Variants in RTTN observed in about 807,000 individuals in gnomAD.
The protein encoded by RTTN is rotatin.
RTTN carries 182 observed loss-of-function variants against 269.2 expected under a neutral mutation model. The ratio of observed to expected loss-of-function variants is 0.68; its 90% CI spans 0.60 to 0.76. RTTN has a LOEUF of 0.76. Among genes scored for constraint, RTTN ranks in the 30% least tolerant of loss-of-function variants. The pLI, the probability that RTTN is intolerant of heterozygous loss-of-function variation, is 0.00. For synonymous variants in RTTN, 1,006 were observed against 963.5 expected, an observed-to-expected ratio of 1.04 and a Z score of -0.82; for missense variants, 2,545 against 2,608.6, an observed-to-expected ratio of 0.98 and a Z score of 0.53.
intron 37 of RTTN, among the ~76,000 whole-genome samples, chr18:70,056,136 G>C (rs573375636): frequency 6.6e-6 from 1 of 152,364 alleles, no homozygotes; most frequent in South Asian, 2.1e-4. Flanking sequence ...CGTGAGGAGA[G>C]ATGCTCATCT....
chr18:70,068,981 G>T (rs535661497), intron 34 of RTTN, among the ~76,000 whole-genome samples: 1 of 152,188 alleles, frequency 6.6e-6, no homozygotes, highest in Non-Finnish European at 1.5e-5. Context: ...AACAGACTCA[G>T]ATTAGTGTAA....
At chr18:70,103,008 C>T (rs1416030689) in intron 28 of RTTN, among the ~76,000 whole-genome samples, 8 of 148,210 alleles carry the variant, frequency 5.4e-5, no homozygotes, top group African/African-American at 1.0e-4. Context: ...TCTGCCCAGG[C>T]GCCCCGTCTG....
At chr18:70,201,871 T>C in intron 4 of RTTN, 23 bp downstream of exon 4, 2 of 1,467,612 alleles carry the variant, frequency 1.4e-6, no homozygotes, top group South Asian at 2.4e-5. Context: ...GTCAACAGGA[T>C]TTACTTCCCG....
chr18:70,075,480 G>C lies in RTTN; in HGVS notation c.4436C>G (p.Ala1479Gly). 1.2e-6 allele frequency: 2 copies of C among 1,605,664 alleles called. No homozygotes were observed. Among genetic ancestry groups the C allele is most frequent in the Non-Finnish European group, 8.5e-7 (1 of 1,176,606 alleles). The change falls in exon 33 of 49, where the codon GCT becomes GGT. Residue 1479 changes from alanine (A) to glycine (G), a missense_variant. Coordinates refer to ENST00000640769, the MANE Select transcript of RTTN (RefSeq NM_173630.4). ...ATAAAAATGGCAGTGATATAAAAGA[G>C]CCTGAAGGGCAGGTTTTCCAATGAG... ...LSLIGKPALQ[A>G]LLYHCHFYEH...
intron 17 of RTTN, among the ~76,000 whole-genome samples, chr18:70,147,245 T>C (rs899138936): frequency 1.1e-4 from 16 of 152,186 alleles, no homozygotes; most frequent in Non-Finnish European, 1.0e-4. Context: ...AGATCACATA[T>C]GCAACAGTGG....
intron 9 of RTTN, among the ~76,000 whole-genome samples, chr18:70,190,230 G>GA (rs1291898571): frequency 6.9e-6 from 1 of 145,930 alleles, no homozygotes; most frequent in African/African-American, 2.5e-5. Context: ...AAAAAAAAAA[G>GA]AAAAAAATAG....
chr18:70,149,237 T>C (rs2060475162), intron 16 of RTTN, among the ~76,000 whole-genome samples, 200 bp from the exon 17 acceptor site: 1 of 152,138 alleles, frequency 6.6e-6, no homozygotes, highest in African/African-American at 2.4e-5. Context: ...TACACATACA[T>C]ACAGGAGAAC....
chr18:70,112,180 G>T (rs562721855), intron 27 of RTTN, among the ~76,000 whole-genome samples: 2 of 152,192 alleles, frequency 1.3e-5, no homozygotes, highest in South Asian at 4.2e-4. Context: ...AGGAAAAACC[G>T]GTACCAGCCA....
At position 70,088,061 on chromosome 18, in the gene RTTN, A is replaced by C; in HGVS notation, c.4230T>G (p.Ile1410Met). The change falls in exon 31 of 49, where the codon ATT becomes ATG. Residue 1410 changes from isoleucine (I) to methionine (M), a missense_variant. Ile to Met is a conservative substitution (Grantham distance 10, BLOSUM62 1). Coordinates refer to ENST00000640769, the MANE Select transcript of RTTN (RefSeq NM_173630.4). ...CCACAGTTCCCCAGAGCCCACCGGAAATGTTCTGACAACTGTTTGCTAAGG... is the reference window on the plus strand; with the variant it reads ...CCACAGTTCCCCAGAGCCCACCGGACATGTTCTGACAACTGTTTGCTAAGG... ...CVALANSCQN[I>M]SGGLWGTVVN... is the part of the protein sequence containing the mutation. 1 of 1,613,954 alleles carries C rather than the reference A, an allele frequency of 6.2e-7. No individual in the cohort carries two copies. Among genetic ancestry groups the C allele is most frequent in the Non-Finnish European group, 8.5e-7 (1 of 1,179,910 alleles).
At chr18:70,168,749 C>T (rs2061057240) in intron 12 of RTTN, 106 bp downstream of exon 12, 1 of 807,322 alleles carries the variant, frequency 1.2e-6, no homozygotes, top group Admixed American at 2.5e-5. Context: ...AATAATGTAT[C>T]CCACCTGTGA....
chr18:70,051,599 A>C (rs2057671156), intron 38 of RTTN, 51 bp from the exon 39 acceptor site: 1 of 1,422,122 alleles, frequency 7.0e-7, no homozygotes, highest in Non-Finnish European at 9.6e-7. Flanking sequence ...GAAGGAAAAG[A>C]ACCTTTCAAG....
chr18:70,121,135 G>C (rs1451149974), intron 26 of RTTN, among the ~76,000 whole-genome samples: 1 of 152,076 alleles, frequency 6.6e-6, no homozygotes, highest in African/African-American at 2.4e-5. Context: ...AAATATTCCA[G>C]TAACCGTTAT....
intron 40 of RTTN, among the ~76,000 whole-genome samples, chr18:70,036,943 T>C (rs538849272): frequency 1.3e-5 from 2 of 152,348 alleles, no homozygotes; most frequent in East Asian, 3.9e-4. Flanking sequence ...CAGCAGCAGC[T>C]GCCTGGTATG....
intron 28 of RTTN, among the ~76,000 whole-genome samples, chr18:70,097,885 A>C (rs774083878): frequency 3.3e-5 from 5 of 152,176 alleles, no homozygotes; most frequent in Non-Finnish European, 7.3e-5. Context: ...AAACAAAAGC[A>C]CTTCTGATAG....
chr18:70,188,054 C>A (rs959678108), intron 10 of RTTN, 54 bp downstream of exon 10: 80 of 1,123,636 alleles, frequency 7.1e-5, no homozygotes, highest in Non-Finnish European at 9.1e-5. Context: ...TTAAAAGAAC[C>A]AAAATCTTAA....
Position 70,144,983 on chromosome 18 carries a change from A to T in RTTN, c.2481+629T>A, listed in dbSNP as rs183237732. On this transcript the variant is annotated intron_variant, in intron 18 of 48. Transcript: ENST00000640769. ...ATTCTCCATCAGTCCAGTATGCTATAGGTACAGTCCTAGCTAAAGACAGGA... is the reference window on the plus strand; with the variant it reads ...ATTCTCCATCAGTCCAGTATGCTATTGGTACAGTCCTAGCTAAAGACAGGA... Among the ~76,000 whole-genome samples the T allele has an allele frequency of 1.0e-3, 155 of 152,334 alleles. 1 individual carries two copies. The highest frequency in any genetic ancestry group is 4.0e-4 in the Non-Finnish European group (27 of 68,020).
chr18:70,164,377 ATT>A (rs113753514), intron 14 of RTTN, among the ~76,000 whole-genome samples: 1 of 140,146 alleles, frequency 7.1e-6, no homozygotes, highest in Admixed American at 7.2e-5. Context: ...ATGCCCAGCT[ATT>A]TTTTTTTTTT....
rs1295026680 is a variant in RTTN, at chr18:70,150,625, G to C, written c.2038C>G (p.Gln680Glu). Residue 680 changes from glutamine to glutamate, a missense_variant, in exon 15 of 49, where the codon CAA becomes GAA. By Grantham distance (29) the Gln-to-Glu change is conservative. Transcript: ENST00000640769. ...TGTCATACCTCACTTTCGGGCTCTTGAATGCCAAATACAGAGATTTCATAC... is the reference window on the plus strand; with the variant it reads ...TGTCATACCTCACTTTCGGGCTCTTCAATGCCAAATACAGAGATTTCATAC... ...VLYEISVFGI[Q>E]EPESEVNTAA... 1.2e-6 allele frequency: 2 copies of C among 1,612,192 alleles called. No individual in the cohort carries two copies. Among genetic ancestry groups the C allele is most frequent in the South Asian group, 2.2e-5 (2 of 90,928 alleles).
At chr18:70,072,100 T>A (rs191811710) in intron 34 of RTTN, among the ~76,000 whole-genome samples, 208 of 152,228 alleles carry the variant, frequency 1.4e-3, no homozygotes, top group African/African-American at 4.9e-3. Flanking sequence ...TTTTCTCCTG[T>A]TGGGACAAAG....
Sources: allele counts gnomAD v4.1 joint callset (sites outside exome capture counted in the v4.1 genomes callset), GRCh38; gene constraint gnomAD v4.1.1; transcripts MANE v1.5; gene names NCBI Gene and HGNC (gene_info 2026-07-23, HGNC 2026-07-21).